Variants in TNS3 observed in about 807,000 individuals in gnomAD.
TNS3 encodes the protein tensin-3.
Under a neutral mutation model 140.9 loss-of-function variants are expected in TNS3, and 45 were observed. The observed-to-expected ratio is 0.32, with a 90% CI of 0.25 to 0.41. The LOEUF is 0.41. Among genes scored for constraint, TNS3 ranks in the 10% least tolerant of loss-of-function variants. TNS3 has a pLI of 1.00. For synonymous variants in TNS3, 815 were observed against 788.4 expected, an observed-to-expected ratio of 1.03 and a Z score of -0.56; for missense variants, 1,716 against 1,906.7, an observed-to-expected ratio of 0.90 and a Z score of 1.86.
intron 3 of TNS3, among the ~76,000 whole-genome samples, chr7:47,492,970 C>T (rs1233381120): frequency 6.6e-6 from 1 of 152,200 alleles, no homozygotes; most frequent in African/African-American, 2.4e-5. Context: ...GCTAATGCCA[C>T]CCCCAGCTCC....
At chr7:47,490,736 G>T (rs1584763327) in intron 3 of TNS3, among the ~76,000 whole-genome samples, 2 of 152,212 alleles carry the variant, frequency 1.3e-5, no homozygotes, top group East Asian at 3.8e-4. Context: ...TGACCTTCTG[G>T]CCACCCAGTC....
At chr7:47,287,015 G>A (rs917281738) in intron 27 of TNS3, among the ~76,000 whole-genome samples, 3 of 151,940 alleles carry the variant, frequency 2.0e-5, no homozygotes, top group African/African-American at 4.8e-5. Flanking sequence ...ATATTCAGGG[G>A]CTGCATAGGG....
At chr7:47,530,836 A>AT (rs1236106676) in intron 1 of TNS3, among the ~76,000 whole-genome samples, 15 of 33,280 alleles carry the variant, frequency 4.5e-4, no homozygotes, top group African/African-American at 1.6e-3. Context: ...AAAAAAAAAA[A>AT]AAATATATAT....
chr7:47,424,835 C>T (rs1238993945), intron 9 of TNS3, among the ~76,000 whole-genome samples: 1 of 152,186 alleles, frequency 6.6e-6, no homozygotes, highest in Admixed American at 6.5e-5. Context: ...TGAAAGTAAC[C>T]CTGCTTTCCA....
At chr7:47,445,464 T>G (rs1795682794) in intron 4 of TNS3, among the ~76,000 whole-genome samples, 1 of 152,168 alleles carries the variant, frequency 6.6e-6, no homozygotes, top group Non-Finnish European at 1.5e-5. Flanking sequence ...AACTCTGTTC[T>G]CCTTCCATCT....
intron 17 of TNS3, among the ~76,000 whole-genome samples, chr7:47,363,027 C>CTAT (rs1562638743): frequency 0.05 from 5 of 100 alleles, no homozygotes; most frequent in African/African-American, 0.079. Context: ...AGGGTCATCA[C>CTAT]CATCACCATC....
chr7:47,302,738 A>C (rs1786477788), intron 22 of TNS3, among the ~76,000 whole-genome samples: 1 of 152,278 alleles, frequency 6.6e-6, no homozygotes, highest in Non-Finnish European at 1.5e-5. Flanking sequence ...CAAGGTGGCC[A>C]AACACAGAAG....
At chr7:47,386,866 G>A (rs1237096007) in intron 16 of TNS3, among the ~76,000 whole-genome samples, 2 of 152,242 alleles carry the variant, frequency 1.3e-5, no homozygotes, top group Non-Finnish European at 2.9e-5. Context: ...ATAGCTGGAT[G>A]TTTTACATAA....
intron 1 of TNS3, among the ~76,000 whole-genome samples, chr7:47,564,566 G>C (rs1008595198): frequency 7.0e-6 from 1 of 142,592 alleles, no homozygotes; most frequent in South Asian, 2.3e-4. Flanking sequence ...AACCCAGGAC[G>C]CAGAAGTTGC....
At chr7:47,471,799 G>A (rs1245936945) in intron 4 of TNS3, among the ~76,000 whole-genome samples, 1 of 152,198 alleles carries the variant, frequency 6.6e-6, no homozygotes, top group African/African-American at 2.4e-5. Flanking sequence ...ACCCAGATGA[G>A]GCTGGAGAGG....
intron 1 of TNS3, among the ~76,000 whole-genome samples, chr7:47,537,241 C>G (rs1159902292): frequency 6.6e-6 from 1 of 152,116 alleles, no homozygotes; most frequent in African/African-American, 2.4e-5. Context: ...ATGGCCAACA[C>G]GGGAGGGGCC....
chr7:47,463,871 C>T (rs1439368051), intron 4 of TNS3, among the ~76,000 whole-genome samples: 1 of 152,066 alleles, frequency 6.6e-6, no homozygotes, highest in African/African-American at 2.4e-5. Context: ...ATATGGAATC[C>T]ACAAGTAATG....
At chr7:47,547,881 C>T (rs1799963849) in intron 1 of TNS3, among the ~76,000 whole-genome samples, 1 of 152,186 alleles carries the variant, frequency 6.6e-6, no homozygotes, top group African/African-American at 2.4e-5. Context: ...CGGGCTCCAG[C>T]ATTGTCCCCA....
chr7:47,425,532 C>T (rs996995443), intron 9 of TNS3, among the ~76,000 whole-genome samples: 1 of 152,134 alleles, frequency 6.6e-6, no homozygotes, highest in Non-Finnish European at 1.5e-5. Flanking sequence ...CAACTTGCTA[C>T]GTGCATTTGC....
At chr7:47,381,340 T>C (rs971310504) in intron 16 of TNS3, among the ~76,000 whole-genome samples, 2 of 152,232 alleles carry the variant, frequency 1.3e-5, no homozygotes, top group African/African-American at 4.8e-5. Flanking sequence ...ACAGCATATT[T>C]TGTGTGGTTA....
intron 1 of TNS3, among the ~76,000 whole-genome samples, chr7:47,545,484 C>T (rs943039400): frequency 1.1e-4 from 16 of 152,244 alleles, no homozygotes; most frequent in African/African-American, 3.6e-4. Context: ...GCGCCCAAGG[C>T]TCTAGGAAGT....
In TNS3 at chr7:47,473,418, A is replaced by G. The variant is rs1797040037; in HGVS notation, c.-76+7685T>C. On this transcript the variant is annotated intron_variant, in intron 4 of 30. Transcript: ENST00000311160. ...TGTGACTCTGGTCAAATATGTTTGCATGAAGACTCCTGATGAGACACACAG... is the reference window on the plus strand; with the variant it reads ...TGTGACTCTGGTCAAATATGTTTGCGTGAAGACTCCTGATGAGACACACAG... Among the ~76,000 whole-genome samples the G allele has an allele frequency of 2.0e-5, 3 of 152,204 alleles. No individual in the cohort carries two copies. The South Asian group carries it at 6.2e-4, about 32-fold the overall frequency.
intron 7 of TNS3, 43 bp from the exon 8 acceptor site, chr7:47,435,447 A>C: frequency 1.9e-6 from 3 of 1,607,974 alleles, no homozygotes; most frequent in South Asian, 2.2e-5. Flanking sequence ...CATTTCCTAA[A>C]ACCTTCTGAG....
chr7:47,349,781 G>A (rs926598308), intron 17 of TNS3, among the ~76,000 whole-genome samples: 4 of 152,220 alleles, frequency 2.6e-5, no homozygotes, highest in Non-Finnish European at 5.9e-5. Context: ...AAACCACTAC[G>A]TGCTAGGATG....
Sources: allele counts gnomAD v4.1 joint callset (sites outside exome capture counted in the v4.1 genomes callset), GRCh38; gene constraint gnomAD v4.1.1; transcripts MANE v1.5; gene names NCBI Gene and HGNC (gene_info 2026-07-23, HGNC 2026-07-21).